HSCB: variants seen among roughly 807,000 people sequenced by gnomAD.
HSCB encodes iron-sulfur cluster co-chaperone protein HscB.
HSCB carries 23 observed loss-of-function variants against 31.3 expected under a neutral mutation model. The observed-to-expected ratio is 0.74, with a 90% CI of 0.53 to 1.04. The LOEUF (loss-of-function observed/expected upper bound fraction) is 1.04, where lower values mean the gene tolerates loss of function less well. HSCB is among the 50% of genes least tolerant of loss of function. The pLI is 0.00. For synonymous variants in HSCB, 110 were observed against 104.5 expected (o/e 1.05, Z -0.32); for missense variants, 297 against 288.1 (o/e 1.03, Z -0.22).
At chr22:28,750,594 C>T (rs569147732) in intron 4 of HSCB, among the ~76,000 whole-genome samples, 2 of 152,276 alleles carry the variant, frequency 1.3e-5, no homozygotes, top group Admixed American at 1.3e-4. Context: ...CCTGTCATTT[C>T]CTGCCTTACG....
rs117024357 is a variant in HSCB at position 28,747,516 on chromosome 22, G to A, written c.568+1508G>A. On this transcript the variant is annotated intron_variant, in intron 4 of 5. Transcript: ENST00000216027. ...GGGGTTTCACCATGTTGCCCAGGCT[G>A]GCTTCAAACTCCTAGGTTCAAAGCA... 6.9e-3 allele frequency among the ~76,000 whole-genome samples: 1,053 copies of A among 152,114 alleles called. 7 individuals are homozygous for A. The highest frequency in any genetic ancestry group is 7.2e-3 in the African/African-American group (297 of 41,516).
At chr22:28,743,224 T>TTTAGG (rs2054616624) in intron 1 of HSCB, among the ~76,000 whole-genome samples, 2 of 152,060 alleles carry the variant, frequency 1.3e-5, no homozygotes, top group African/African-American at 4.8e-5. Context: ...GTAAACGGGA[T>TTTAGG]TCTGGCTAAG....
chr22:28,742,884 C>T (rs1341452907), intron 1 of HSCB, among the ~76,000 whole-genome samples: 1 of 151,772 alleles, frequency 6.6e-6, no homozygotes, highest in Non-Finnish European at 1.5e-5. Flanking sequence ...ATGGTTTTTC[C>T]CCCTGAGACT....
chr22:28,755,378 C>G (rs1219450484), intron 5 of HSCB, among the ~76,000 whole-genome samples: 1 of 151,794 alleles, frequency 6.6e-6, no homozygotes, highest in African/African-American at 2.4e-5. Context: ...CCACTGCACT[C>G]CGGCCTGGGT....
chr22:28,749,736 T>A (rs2030088423), intron 4 of HSCB, among the ~76,000 whole-genome samples: 2 of 152,114 alleles, frequency 1.3e-5, no homozygotes, highest in South Asian at 4.1e-4. Context: ...GTTGTAGGGA[T>A]AAGAGAAACT....
chr22:28,756,483 T>A (rs2030605573), intron 5 of HSCB, among the ~76,000 whole-genome samples: 1 of 148,246 alleles, frequency 6.7e-6, no homozygotes, highest in Non-Finnish European at 1.5e-5. Context: ...TTTTTTTTTT[T>A]AAAGAGACAG....
At chr22:28,750,455 CTGT>C (rs980317155) in intron 4 of HSCB, among the ~76,000 whole-genome samples, 1 of 152,044 alleles carries the variant, frequency 6.6e-6, no homozygotes, top group African/African-American at 2.4e-5. Context: ...GGTTCCTAGT[CTGT>C]TGTTCTTTTG....
At position 28,751,332 on chromosome 22, in the gene HSCB, A is replaced by G. The variant is rs773558886; in HGVS notation, c.616+44A>G. ...TTTCTTAAATATGGAAAGAAATTTC[A>G]AGCACTGAAGCATAGCCATTCATTC... is the stretch of plus-strand genomic sequence containing the variant. On this transcript the variant is annotated intron_variant, in intron 5 of 5. Coordinates refer to ENST00000216027, the MANE Select transcript of HSCB (RefSeq NM_172002.5). 34 of 1,170,002 alleles carry G rather than the reference A, an allele frequency of 2.9e-5. 1 individual carries two copies. In the South Asian group the frequency reaches 4.4e-4, roughly 15 times the overall value. The allele number at this position is 1,170,002 out of a possible 1,614,324, so 72.5% of individuals were successfully genotyped here. A position where few individuals can be genotyped will look rare whatever the true frequency, so the allele number is the denominator to read the frequency against.
chr22:28,757,374 A>C lies in HSCB; in HGVS notation c.*205A>C. ...GTGGCGCGTGCCTGTAATCCCAGCTACTTGGTAGGCCGAGGCAGGAGAATC... is the reference window on the plus strand; with the variant it reads ...GTGGCGCGTGCCTGTAATCCCAGCTCCTTGGTAGGCCGAGGCAGGAGAATC... On this transcript the variant is annotated 3_prime_UTR_variant, in exon 6 of 6. Coordinates refer to ENST00000216027, the MANE Select transcript of HSCB (RefSeq NM_172002.5). 2.4e-6 allele frequency: 1 copy of C among 412,798 alleles called. No homozygotes were observed. Among genetic ancestry groups the C allele is most frequent in the Non-Finnish European group, 4.6e-6 (1 of 219,632 alleles). The allele number at this position is 412,798 out of a possible 1,614,324, so 25.6% of individuals were successfully genotyped here.
intron 4 of HSCB, among the ~76,000 whole-genome samples, chr22:28,750,183 A>G (rs1487786661): frequency 7.6e-6 from 1 of 131,110 alleles, no homozygotes; most frequent in African/African-American, 2.9e-5. Flanking sequence ...CAGGAGGTGG[A>G]GGTTGCAGTG....
intron 4 of HSCB, among the ~76,000 whole-genome samples, chr22:28,750,273 A>C (rs896401919): frequency 6.9e-6 from 1 of 145,342 alleles, no homozygotes; most frequent in Non-Finnish European, 1.5e-5. Context: ...AAAAAAAAAA[A>C]AAACACTTAT....
intron 5 of HSCB, 118 bp downstream of exon 5, chr22:28,751,406 T>C: frequency 3.4e-6 from 2 of 589,532 alleles, no homozygotes; most frequent in South Asian, 4.8e-5. Context: ...TAGGGAGATA[T>C]GAAATACTTA....
At chr22:28,746,453 C>G (rs1199616188) in intron 4 of HSCB, among the ~76,000 whole-genome samples, 1 of 150,166 alleles carries the variant, frequency 6.7e-6, no homozygotes, top group African/African-American at 2.5e-5. Context: ...GCTGACACAT[C>G]TAAAATCTAT....
chr22:28,751,236 T>C lies in HSCB; in HGVS notation c.569-5T>C. The C allele has an allele frequency of 6.3e-7, 1 of 1,585,246 alleles. No homozygotes were observed. The highest frequency in any genetic ancestry group is 8.6e-7 in the Non-Finnish European group (1 of 1,158,246). ...AAAAATTAACAGAATGGTTTTCTTT[T>C]TCAGCTAAACAGAAAGAATTTACTG... On this transcript the variant is annotated splice_polypyrimidine_tract_variant and splice_region_variant and intron_variant, in intron 4 of 5. Transcript: ENST00000216027.
chr22:28,755,970 G>T (rs956975302), intron 5 of HSCB, among the ~76,000 whole-genome samples: 28 of 152,190 alleles, frequency 1.8e-4, no homozygotes, highest in African/African-American at 6.8e-4. Flanking sequence ...GTCTGGCCAG[G>T]CATGGTGGCT....
At chr22:28,753,261 C>T (rs1281155347) in intron 5 of HSCB, among the ~76,000 whole-genome samples, 2 of 151,988 alleles carry the variant, frequency 1.3e-5, no homozygotes, top group South Asian at 2.1e-4. Flanking sequence ...CGTGGTGGCT[C>T]ACATCTGTAA....
Position 28,743,971 on chromosome 22 carries a change from G to A in HSCB, c.326G>A (p.Arg109Lys). 1.2e-6 allele frequency: 2 copies of A among 1,613,468 alleles called. No homozygotes were observed. Among genetic ancestry groups the A allele is most frequent in the Non-Finnish European group, 1.7e-6 (2 of 1,179,434 alleles). The change falls in exon 2 of 6, where the codon AGG becomes AAG. Residue 109 changes from arginine (R) to lysine (K), a missense_variant. Transcript: ENST00000216027. ...RLVHPDFFSQ[R>K]SQTEKDFSEK... ...GTCCACCCAGATTTCTTCAGCCAGA[G>A]GTCTCAGGTAGCTTATTGGCCAACC...
intron 5 of HSCB, among the ~76,000 whole-genome samples, chr22:28,753,056 GT>G (rs2030365845): frequency 6.6e-6 from 1 of 151,998 alleles, no homozygotes; most frequent in South Asian, 2.1e-4. Flanking sequence ...TCCAACCTGG[GT>G]GACAGAATGA....
At chr22:28,749,182 C>T (rs1167851677) in intron 4 of HSCB, among the ~76,000 whole-genome samples, 1 of 151,928 alleles carries the variant, frequency 6.6e-6, no homozygotes, top group Non-Finnish European at 1.5e-5. Flanking sequence ...TCTCACTGCT[C>T]TAAAACTCTT....
Sources: allele counts gnomAD v4.1 joint callset (sites outside exome capture counted in the v4.1 genomes callset), GRCh38; gene constraint gnomAD v4.1.1; transcripts MANE v1.5; gene names NCBI Gene and HGNC (gene_info 2026-07-23, HGNC 2026-07-21).